DCAF4: variants seen among roughly 807,000 people sequenced by gnomAD.
The protein encoded by DCAF4 is DDB1- and CUL4-associated factor 4.
DCAF4 carries 37 observed loss-of-function variants against 60.9 expected under a neutral mutation model. The ratio of observed to expected loss-of-function variants is 0.61; its 90% CI spans 0.47 to 0.80. DCAF4 has a LOEUF of 0.80. Among genes scored for constraint, DCAF4 ranks in the 30% least tolerant of loss-of-function variants. The pLI, the probability that DCAF4 is intolerant of heterozygous loss-of-function variation, is 0.00. For missense variants in DCAF4, 577 were observed against 650.0 expected, an observed-to-expected ratio of 0.89 and a Z score of 1.22; for synonymous variants, 243 against 254.8, an observed-to-expected ratio of 0.95 and a Z score of 0.44.
rs34917327 is a variant in DCAF4 at position 72,952,992 on chromosome 14, C to CTTTTTTTT, written c.808+1133_808+1140dup. On this transcript the variant is annotated intron_variant, in intron 9 of 13. Transcript: ENST00000358377. ...ACAGGTGTGAGCCACAATGCCCGGC[C>CTTTTTTTT]TTTTTTTTTTTTTTTTTTTTTTTTT... Among the ~76,000 whole-genome samples the CTTTTTTTT allele has an allele frequency of 4.3e-4, 18 of 41,604 alleles. 1 individual carries two copies. The highest frequency in any genetic ancestry group is 5.5e-4 in the Non-Finnish European group (13 of 23,750). The allele number at this position is 41,604 out of a possible 152,430, so 27.3% of individuals were successfully genotyped here.
Position 72,933,965 on chromosome 14 carries a change from C to T in DCAF4, c.-8-4006C>T, listed in dbSNP as rs1888913031. Among the ~76,000 whole-genome samples, 3 of 152,306 alleles carry T rather than the reference C, an allele frequency of 2.0e-5. No individual in the cohort carries two copies. In the South Asian group the frequency reaches 6.2e-4, roughly 32 times the overall value. On this transcript the variant is annotated intron_variant, in intron 1 of 13. Transcript: ENST00000358377. ...TTGCCACTGCAGTTCTTACTTGTCA[C>T]CCCATGCCGCTGCCTTTCAGGTGCC...
At position 72,954,297 on chromosome 14, in the gene DCAF4, C is replaced by G. The variant is rs375989976; in HGVS notation, c.907+35C>G. ...GCTCCCCAGGTGCCCAGAGAAGAGG[C>G]CTTAACAGGCCTTAAAACCCCATGT... On this transcript the variant is annotated intron_variant, in intron 10 of 13. Transcript: ENST00000358377. 1.4e-5 allele frequency: 23 copies of G among 1,612,824 alleles called. No individual in the cohort carries two copies. The Admixed American group carries it at 1.5e-4, about 11-fold the overall frequency.
chr14:72,929,523 G>C (rs950202759), intron 1 of DCAF4: 34 of 738,004 alleles, frequency 4.6e-5, no homozygotes, highest in Non-Finnish European at 5.8e-5. Context: ...AACAAAGCGA[G>C]ACCCCGTCTC....
chr14:72,960,097 C>T (rs1191801813), downstream of DCAF4, among the ~76,000 whole-genome samples: 1 of 151,932 alleles, frequency 6.6e-6, no homozygotes, highest in African/African-American at 2.4e-5. Flanking sequence ...CTCGCAGTTA[C>T]CCACTTGAAT....
At chr14:72,950,001 C>T (rs894096869) in intron 8 of DCAF4, among the ~76,000 whole-genome samples, 1 of 152,006 alleles carries the variant, frequency 6.6e-6, no homozygotes, top group African/African-American at 2.4e-5. Flanking sequence ...AGGAAGAGGC[C>T]AGGGACCCCT....
In DCAF4 at chr14:72,941,796, G is replaced by T. The variant is rs767119800; in HGVS notation, c.403G>T (p.Gly135Cys). ...TTCCATGCTACGAAAAAGCCAGCTG[G>T]GTTTTCTCAACGTCACCAATTACTG... ...ASSMLRKSQL[G>C]FLNVTNYCHL... The change falls in exon 5 of 14, where the codon GGT (glycine) becomes TGT (cysteine). Residue 135 changes from glycine to cysteine, a missense_variant. Transcript: ENST00000358377. The T allele has an allele frequency of 6.2e-7, 1 of 1,613,942 alleles. No individual in the cohort carries two copies. Among genetic ancestry groups the T allele is most frequent in the African/African-American group, 1.3e-5 (1 of 74,964 alleles).
Position 72,940,265 on chromosome 14 carries a change from G to T in DCAF4, c.239G>T (p.Arg80Leu). The T allele has an allele frequency of 1.2e-6, 2 of 1,614,116 alleles. No homozygotes were observed. Among genetic ancestry groups the T allele is most frequent in the Middle Eastern group, 1.6e-4 (1 of 6,062 alleles). ...GACCCTGAAAAGAAACGCTACTTCC[G>T]CTTGCTCCCTGGACATAACAACTGC... ...YFDPEKKRYFRLLPGHNNCNP... is the reference protein window; with the variant it reads ...YFDPEKKRYFLLLPGHNNCNP... Residue 80 changes from arginine to leucine, a missense_variant, in exon 4 of 14, where the codon CGC becomes CTC. Physicochemically the swap from Arg to Leu is moderately radical, Grantham distance 102. Coordinates refer to ENST00000358377, the MANE Select transcript of DCAF4 (RefSeq NM_015604.4).
At chr14:72,930,516 G>A (rs1888420702) in intron 1 of DCAF4, among the ~76,000 whole-genome samples, 2 of 152,182 alleles carry the variant, frequency 1.3e-5, no homozygotes, top group Admixed American at 1.3e-4. Flanking sequence ...TGATCCGCCA[G>A]TCCCAGCCTC....
intron 11 of DCAF4, among the ~76,000 whole-genome samples, chr14:72,955,289 C>G (rs1008513530): frequency 2.0e-5 from 3 of 152,000 alleles, no homozygotes; most frequent in African/African-American, 7.2e-5. Flanking sequence ...GGGGCAGCTC[C>G]TAGGACCTCC....
chr14:72,937,368 G>A (rs1013966164), intron 1 of DCAF4, among the ~76,000 whole-genome samples: 1 of 151,750 alleles, frequency 6.6e-6, no homozygotes, highest in African/African-American at 2.4e-5. Context: ...TGGAGCAGAA[G>A]GGAGTGAAGT....
At chr14:72,954,081 A>G (rs1891941487) in intron 9 of DCAF4, 83 bp from the exon 10 acceptor site, 6 of 1,415,096 alleles carry the variant, frequency 4.2e-6, no homozygotes, top group African/African-American at 2.8e-5. Context: ...AGCTATGGGC[A>G]TATTTGGATG....
In DCAF4 at chr14:72,938,060, T is replaced by TCTGAAGACAGGCAAGTGTGCCG. The variant is rs750072519; in HGVS notation, c.85_92+14dup. The TCTGAAGACAGGCAAGTGTGCCG allele has an allele frequency of 2.5e-6, 4 of 1,606,938 alleles. No individual in the cohort carries two copies. In the South Asian group the frequency reaches 4.4e-5, roughly 18 times the overall value. On this transcript the variant is annotated frameshift_variant, in exon 2 of 14. Transcript: ENST00000358377. LOFTEE classifies it high-confidence loss of function. ...GAACCCTTGGTTCAGACTCCGTGAT[T>TCTGAAGACAGGCAAGTGTGCCG]CTGAAGACAGGCAAGTGTGCCGCTC...
intron 2 of DCAF4, 54 bp from the exon 3 acceptor site, chr14:72,939,745 CAGA>C: frequency 6.7e-7 from 1 of 1,494,258 alleles, no homozygotes; most frequent in African/African-American, 1.4e-5. Flanking sequence ...CTGCCCCCGT[CAGA>C]ATGGCTGGAA....
intron 7 of DCAF4, 150 bp from the exon 8 acceptor site, chr14:72,946,992 G>A: frequency 2.0e-6 from 2 of 1,007,114 alleles, no homozygotes; most frequent in Non-Finnish European, 1.5e-6. Context: ...TCCTGCTTAA[G>A]CCCCACCCTC....
At position 72,943,092 on chromosome 14, in the gene DCAF4, T is replaced by C; in HGVS notation, c.530T>C (p.Ile177Thr). The C allele has an allele frequency of 6.2e-7, 1 of 1,614,028 alleles. No individual in the cohort carries two copies. The highest frequency in any genetic ancestry group is 1.1e-5 in the South Asian group (1 of 91,078). Residue 177 changes from isoleucine (I) to threonine (T), a missense_variant, in exon 6 of 14, where the codon ATA (isoleucine) becomes ACA (threonine). Transcript: ENST00000358377. ...SALASDRFNL[I>T]LADTNSDRLF... Reference sequence around the variant, plus strand: ...TTGGCAAGCGACCGATTTAACCTCATACTGGTGAGTGGGAGGGGGACACCT... The same window carrying C: ...TTGGCAAGCGACCGATTTAACCTCACACTGGTGAGTGGGAGGGGGACACCT...
At chr14:72,939,075 C>T (rs924703632) in intron 2 of DCAF4, among the ~76,000 whole-genome samples, 3 of 147,638 alleles carry the variant, frequency 2.0e-5, no homozygotes, top group South Asian at 2.4e-4. Context: ...TTGGCTGGGC[C>T]GGGTGTGGTG....
intron 6 of DCAF4, among the ~76,000 whole-genome samples, chr14:72,943,731 C>T (rs1318244807): frequency 6.6e-6 from 1 of 152,132 alleles, no homozygotes; most frequent in Non-Finnish European, 1.5e-5. Flanking sequence ...CGATGGACCA[C>T]GTAAGAGCAG....
chr14:72,930,672 T>G (rs765509782), intron 1 of DCAF4, among the ~76,000 whole-genome samples: 2 of 152,188 alleles, frequency 1.3e-5, no homozygotes, highest in Admixed American at 6.5e-5. Context: ...GTGTGAGTTT[T>G]GGGTGTCATA....
chr14:72,928,926 G>C (rs935881213), intron 1 of DCAF4, among the ~76,000 whole-genome samples: 4 of 151,968 alleles, frequency 2.6e-5, no homozygotes, highest in Admixed American at 1.3e-4. Flanking sequence ...TCTGAGTTTT[G>C]GCCCCGTGCT....
Sources: gnomAD v4.1 joint callset for allele counts (sites outside exome capture counted in the v4.1 genomes callset) on GRCh38, gnomAD v4.1.1 for gene constraint, MANE v1.5 for transcripts, NCBI Gene and HGNC (gene_info 2026-07-23, HGNC 2026-07-21) for gene names.